The following OR9Q1 variants were observed in gnomAD, a reference collection of about 807,000 sequenced individuals.
OR9Q1 encodes olfactory receptor family 9 subfamily Q member 1.
For synonymous variants in OR9Q1, 153 were observed against 148.6 expected (o/e 1.03, Z -0.22); for missense variants, 374 against 378.8 (o/e 0.99, Z 0.11).
intron 2 of OR9Q1, among the ~76,000 whole-genome samples, chr11:58,107,124 A>T (rs201166565): frequency 6.8e-6 from 1 of 146,316 alleles, no homozygotes; most frequent in Non-Finnish European, 1.5e-5. Flanking sequence ...CTTTTTTTTT[A>T]AATTATACTT....
intron 2 of OR9Q1, among the ~76,000 whole-genome samples, chr11:58,089,312 T>A (rs1853662451): frequency 6.6e-6 from 1 of 151,936 alleles, no homozygotes; most frequent in South Asian, 2.1e-4. Flanking sequence ...TATCTTGAGT[T>A]AATTTTTGTA....
chr11:58,135,335 A>G (rs529552802), intron 2 of OR9Q1, among the ~76,000 whole-genome samples: 2 of 152,266 alleles, frequency 1.3e-5, no homozygotes, highest in South Asian at 4.1e-4. Flanking sequence ...CAGAGGCTCT[A>G]TTTTCATCTC....
intron 2 of OR9Q1, among the ~76,000 whole-genome samples, chr11:58,064,925 C>A (rs1026764474): frequency 2.0e-5 from 3 of 151,900 alleles, no homozygotes; most frequent in African/African-American, 4.8e-5. Flanking sequence ...TACACACACA[C>A]AACACACACG....
intron 2 of OR9Q1, among the ~76,000 whole-genome samples, chr11:58,105,277 T>A (rs1853829241): frequency 3.3e-5 from 5 of 152,144 alleles, no homozygotes; most frequent in Admixed American, 2.6e-4. Context: ...GACATGCAAA[T>A]GAAATGACGA....
chr11:58,163,730 A>G (rs1854476115), intron 2 of OR9Q1, among the ~76,000 whole-genome samples: 1 of 152,178 alleles, frequency 6.6e-6, no homozygotes, highest in South Asian at 2.1e-4. Flanking sequence ...TTTCCATTCT[A>G]CCTATTCTAG....
At chr11:58,140,646 ATC>A (rs1854238358) in intron 2 of OR9Q1, among the ~76,000 whole-genome samples, 1 of 152,204 alleles carries the variant, frequency 6.6e-6, no homozygotes, top group Non-Finnish European at 1.5e-5. Flanking sequence ...ATTGGTCTAT[ATC>A]TCTGTTTTGG....
intron 2 of OR9Q1, among the ~76,000 whole-genome samples, chr11:58,132,653 G>A (rs1854152964): frequency 1.3e-5 from 2 of 152,236 alleles, no homozygotes; most frequent in Middle Eastern, 3.4e-3. Flanking sequence ...GGGTCACCTT[G>A]GGTTGATGAC....
chr11:58,129,915 GTTTAT>G (rs1854125121), intron 2 of OR9Q1, among the ~76,000 whole-genome samples: 1 of 151,724 alleles, frequency 6.6e-6, no homozygotes, highest in Non-Finnish European at 1.5e-5. Context: ...ATACAGGTGA[GTTTAT>G]TTTATTTTTG....
chr11:58,143,685 T>C (rs567546343), intron 2 of OR9Q1, among the ~76,000 whole-genome samples: 2 of 152,016 alleles, frequency 1.3e-5, no homozygotes, highest in South Asian at 4.2e-4. Context: ...AAACAACACA[T>C]ACTGGGGCCT....
chr11:58,086,312 A>C (rs1304469587), intron 2 of OR9Q1, among the ~76,000 whole-genome samples: 1 of 151,938 alleles, frequency 6.6e-6, no homozygotes, highest in East Asian at 1.9e-4. Flanking sequence ...CCACAATGGA[A>C]TATCACCTCG....
At chr11:58,037,689 A>ATATAGT (rs1853119570) in intron 1 of OR9Q1, among the ~76,000 whole-genome samples, 21 of 7,000 alleles carry the variant, frequency 3.0e-3, no homozygotes, top group African/African-American at 8.7e-3. Context: ...ATATATATAT[A>ATATAGT]TTTTTTTTTT....
chr11:58,135,341 A>G (rs1395960261), intron 2 of OR9Q1, among the ~76,000 whole-genome samples: 1 of 152,156 alleles, frequency 6.6e-6, no homozygotes, highest in African/African-American at 2.4e-5. Flanking sequence ...CTCTATTTTC[A>G]TCTCTCGCTT....
intron 2 of OR9Q1, among the ~76,000 whole-genome samples, chr11:58,176,190 G>C (rs1854605070): frequency 6.6e-6 from 1 of 152,116 alleles, no homozygotes; most frequent in Non-Finnish European, 1.5e-5. Context: ...TGGTGAAGGT[G>C]GCAATGGGCA....
Position 58,030,954 on chromosome 11 carries a change from T to C in OR9Q1, c.-93+6850T>C, listed in dbSNP as rs1853025822. On this transcript the variant is annotated intron_variant, in intron 1 of 2. Coordinates refer to ENST00000335397, the MANE Select transcript of OR9Q1 (RefSeq NM_001005212.4). ...TTTGCTGAGCTCTCACTGCCACATA[T>C]GCAACCATATACCAAAAACTGGACC... is the stretch of plus-strand genomic sequence containing the variant. The C allele has an allele frequency of 1.9e-6, 3 of 1,607,166 alleles. No homozygotes were observed. The Admixed American group carries it at 5.0e-5, about 27-fold the overall frequency.
intron 2 of OR9Q1, among the ~76,000 whole-genome samples, chr11:58,121,964 AT>A (rs1854037469): frequency 6.6e-6 from 1 of 152,222 alleles, no homozygotes; most frequent in African/African-American, 2.4e-5. Context: ...AAGTCAAATA[AT>A]TAGCTATTTG....
chr11:58,144,681 C>T (rs1854283253), intron 2 of OR9Q1: 1 of 152,716 alleles, frequency 6.5e-6, no homozygotes, highest in Non-Finnish European at 1.5e-5. Flanking sequence ...AGTCATCTTT[C>T]CTTCCTGGAC....
intron 2 of OR9Q1, among the ~76,000 whole-genome samples, chr11:58,167,425 A>G (rs1854515623): frequency 6.6e-6 from 1 of 152,068 alleles, no homozygotes; most frequent in South Asian, 2.1e-4. Context: ...TTTTTCAAAA[A>G]TTTCTTTACT....
intron 2 of OR9Q1, among the ~76,000 whole-genome samples, chr11:58,161,888 A>G (rs573800371): frequency 6.6e-6 from 1 of 152,304 alleles, no homozygotes; most frequent in South Asian, 2.1e-4. Flanking sequence ...TATCCAATTA[A>G]TCAGAACCTC....
intron 2 of OR9Q1, among the ~76,000 whole-genome samples, chr11:58,124,793 T>G (rs2441966): frequency 1.3e-5 from 2 of 152,062 alleles, no homozygotes; most frequent in African/African-American, 4.8e-5. Context: ...GTTGGAGTGT[T>G]GAATCAACAC....
Sources: allele counts gnomAD v4.1 joint callset (sites outside exome capture counted in the v4.1 genomes callset), GRCh38; gene constraint gnomAD v4.1.1; transcripts MANE v1.5; gene names NCBI Gene and HGNC (gene_info 2026-07-23, HGNC 2026-07-21).